CD109: variants seen among roughly 807,000 people sequenced by gnomAD.
CD109 encodes CD109 antigen.
CD109 carries 149 observed loss-of-function variants against 165.8 expected under a neutral mutation model. The observed-to-expected ratio is 0.90, with a 90% CI of 0.79 to 1.03. The LOEUF (loss-of-function observed/expected upper bound fraction) is 1.03. CD109 is among the 50% of genes least tolerant of loss of function. CD109 has a pLI of 0.00. For missense variants in CD109, 1,712 were observed against 1,677.8 expected, an observed-to-expected ratio of 1.02 and a Z score of -0.36; for synonymous variants, 585 against 592.1, an observed-to-expected ratio of 0.99 and a Z score of 0.18.
chr6:73,786,762 A>G (rs970826454), intron 20 of CD109, among the ~76,000 whole-genome samples: 4 of 152,250 alleles, frequency 2.6e-5, no homozygotes, highest in African/African-American at 9.6e-5. Flanking sequence ...GATATGCTTC[A>G]GGACTAATAT....
intron 7 of CD109, among the ~76,000 whole-genome samples, chr6:73,759,800 A>G (rs1773539289): frequency 6.6e-6 from 1 of 151,588 alleles, no homozygotes. Flanking sequence ...GGTTTCGAAG[A>G]CTCTTGAATG....
At position 73,696,250 on chromosome 6, in the gene CD109, TC is replaced by T. The variant is rs1770827034; in HGVS notation, c.37del (p.Leu13SerfsTer18). The stretch of plus-strand genomic sequence containing the variant: ...CCACCGCTCCTGACCGCCGCCCACC[TC>T]CTCTGCGTGTGCACCGCCGCGCTGG... ...QGPPLLTAAH[L>X]LCVCTAALAV... On this transcript the variant is annotated frameshift_variant, in exon 1 of 33. Transcript: ENST00000287097. LOFTEE classifies it high-confidence loss of function. 3.9e-6 allele frequency: 6 copies of T among 1,541,242 alleles called. No individual in the cohort carries two copies. The highest frequency in any genetic ancestry group is 4.4e-6 in the Non-Finnish European group (5 of 1,148,554).
At chr6:73,820,697 G>T (rs3005537) in intron 32 of CD109, 134 bp downstream of exon 32, 8 of 483,540 alleles carry the variant, frequency 1.7e-5, no homozygotes, top group Middle Eastern at 2.8e-4. Context: ...GGAGGCGGGG[G>T]GGCAGGAAGT....
At position 73,808,267 on chromosome 6, in the gene CD109, T is replaced by C; in HGVS notation, c.3355+19T>C. 6.3e-7 allele frequency: 1 copy of C among 1,594,296 alleles called. No homozygotes were observed. Among genetic ancestry groups the C allele is most frequent in the Non-Finnish European group, 8.5e-7 (1 of 1,173,018 alleles). ...CAAGAAGGTAATGTGCTGGGCCCACTTGAGGTTGTTATGCTTTATGAAATA... is the reference window on the plus strand; with the variant it reads ...CAAGAAGGTAATGTGCTGGGCCCACCTGAGGTTGTTATGCTTTATGAAATA... On this transcript the variant is annotated intron_variant, in intron 26 of 32. Transcript: ENST00000287097.
chr6:73,766,489 A>G, intron 11 of CD109, among the ~76,000 whole-genome samples: 1 of 146,232 alleles, frequency 6.8e-6, no homozygotes, highest in African/African-American at 2.6e-5. Context: ...ATATATATAC[A>G]TATATATATA....
chr6:73,697,518 A>G lies in CD109; in HGVS notation c.193A>G (p.Thr65Ala), dbSNP rs1019736506. 4 of 1,614,174 alleles carry G rather than the reference A, an allele frequency of 2.5e-6. 1 individual carries two copies. In the South Asian group the frequency reaches 4.4e-5, roughly 18 times the overall value. The change falls in exon 2 of 33, where the codon ACA (threonine) becomes GCA (alanine). Residue 65 changes from threonine to alanine, a missense_variant. Transcript: ENST00000287097. ...GACTGTGAAGGCGGAGCTGCTCAAG[A>G]CAGCATCAAACCTCACTGTCTCTGT... ...QVTVKAELLK[T>A]ASNLTVSVLE...
intron 6 of CD109, among the ~76,000 whole-genome samples, chr6:73,758,568 A>T (rs1174796427): frequency 2.0e-5 from 3 of 152,002 alleles, no homozygotes; most frequent in African/African-American, 7.2e-5. Context: ...TATTTTTAGT[A>T]GAGATAGGAT....
intron 2 of CD109, among the ~76,000 whole-genome samples, chr6:73,714,538 G>T (rs921354921): frequency 6.6e-6 from 1 of 152,124 alleles, no homozygotes; most frequent in African/African-American, 2.4e-5. Context: ...TAAACCTCCT[G>T]CATTGTAATT....
chr6:73,720,443 G>A (rs1771907030), intron 2 of CD109, among the ~76,000 whole-genome samples: 1 of 152,048 alleles, frequency 6.6e-6, no homozygotes. Context: ...TGTACAGCAT[G>A]GTGACTATGG....
Position 73,783,811 on chromosome 6 carries a change from C to T in CD109, c.2210C>T (p.Thr737Ile), listed in dbSNP as rs747713076. 8 of 1,580,508 alleles carry T rather than the reference C, an allele frequency of 5.1e-6. No homozygotes were observed. The highest frequency in any genetic ancestry group is 7.0e-6 in the Non-Finnish European group (8 of 1,149,988). The part of the protein sequence containing the change: ...ISEDLGLGLT[T>I]TPVELQAFQP... Reference sequence around the variant, plus strand: ...GAGGACCTGGGTCTTGGACTAACAACTACTCCAGTGGAGGTATTGTATTAA... The same window carrying T: ...GAGGACCTGGGTCTTGGACTAACAATTACTCCAGTGGAGGTATTGTATTAA... Residue 737 changes from threonine (T) to isoleucine (I), a missense_variant, in exon 19 of 33, where the codon ACT becomes ATT. By Grantham distance (89) the Thr-to-Ile change is moderately conservative. Coordinates refer to ENST00000287097, the MANE Select transcript of CD109 (RefSeq NM_133493.5).
chr6:73,706,457 G>A (rs117254500), intron 2 of CD109, among the ~76,000 whole-genome samples: 1 of 152,320 alleles, frequency 6.6e-6, no homozygotes, highest in South Asian at 2.1e-4. Flanking sequence ...ACTGGGTGGA[G>A]TTACTTTATT....
chr6:73,818,100 A>G (rs145891536), intron 30 of CD109, among the ~76,000 whole-genome samples: 1 of 152,202 alleles, frequency 6.6e-6, no homozygotes, highest in African/African-American at 2.4e-5. Context: ...TGTATATTGT[A>G]CTGTCACAGT....
At chr6:73,706,912 A>G (rs1168981020) in intron 2 of CD109, among the ~76,000 whole-genome samples, 1 of 152,260 alleles carries the variant, frequency 6.6e-6, no homozygotes, top group Non-Finnish European at 1.5e-5. Context: ...ACTGCAATAT[A>G]TGTTAAAGCT....
chr6:73,726,983 CT>C (rs1185916888), intron 3 of CD109, among the ~76,000 whole-genome samples: 2 of 152,220 alleles, frequency 1.3e-5, no homozygotes, highest in Admixed American at 6.5e-5. Context: ...CAAGGAACAG[CT>C]TTTTTTCCCC....
In CD109 at chr6:73,697,556, A is replaced by T; in HGVS notation, c.231A>T (p.Glu77Asp). ...SNLTVSVLEA[E>D]GVFEKGSFKT... is the part of the protein sequence containing the mutation. ...TCACTGTCTCTGTCCTGGAAGCAGAAGGAGTCTTTGAAAAAGGTAAGATAA... is the reference window on the plus strand; with the variant it reads ...TCACTGTCTCTGTCCTGGAAGCAGATGGAGTCTTTGAAAAAGGTAAGATAA... The change falls in exon 2 of 33, where the codon GAA becomes GAT. Residue 77 changes from glutamate to aspartate, a missense_variant. Glu to Asp is a conservative substitution (Grantham distance 45, BLOSUM62 2). Transcript: ENST00000287097. The T allele has an allele frequency of 6.2e-7, 1 of 1,613,776 alleles. No individual in the cohort carries two copies. Among genetic ancestry groups the T allele is most frequent in the Non-Finnish European group, 8.5e-7 (1 of 1,179,764 alleles).
intron 23 of CD109, among the ~76,000 whole-genome samples, chr6:73,796,941 G>T (rs1374019402): frequency 3.3e-5 from 5 of 152,202 alleles, no homozygotes; most frequent in Non-Finnish European, 5.9e-5. Context: ...GTGGACGAAA[G>T]CTTCTTGGTA....
At chr6:73,764,883 G>T (rs373823558) in intron 10 of CD109, among the ~76,000 whole-genome samples, 99 of 151,748 alleles carry the variant, frequency 6.5e-4, no homozygotes, top group African/African-American at 1.8e-3. Context: ...TGAATGGGTC[G>T]GTAGACGTTT....
Position 73,827,492 on chromosome 6 carries a change from ATATCT to A in CD109, c.*3863_*3867del, listed in dbSNP as rs1196489048. On this transcript the variant is annotated 3_prime_UTR_variant, in exon 33 of 33. Coordinates refer to ENST00000287097, the MANE Select transcript of CD109 (RefSeq NM_133493.5). Reference sequence around the variant, plus strand: ...CAAATGATATTTATGTTAATATTAAATATCTTATGTTACACTGGGAGTAATTTGAG... The same window carrying A: ...CAAATGATATTTATGTTAATATTAAATATGTTACACTGGGAGTAATTTGAG... 2.0e-5 allele frequency: 3 copies of A among 151,732 alleles called. No individual in the cohort carries two copies. The highest frequency in any genetic ancestry group is 7.2e-5 in the African/African-American group (3 of 41,416). The allele number at this position is 151,732 out of a possible 1,614,324, so 9.4% of individuals were successfully genotyped here. A position where few individuals can be genotyped will look rare whatever the true frequency, so the allele number is the denominator to read the frequency against.
At position 73,824,535 on chromosome 6, in the gene CD109, C is replaced by A. The variant is rs1277724593; in HGVS notation, c.*902C>A. 6.6e-6 allele frequency: 1 copy of A among 152,174 alleles called. No individual in the cohort carries two copies. Among genetic ancestry groups the A allele is most frequent in the Admixed American group, 6.5e-5 (1 of 15,270 alleles). The allele number at this position is 152,174 out of a possible 1,614,324, so 9.4% of individuals were successfully genotyped here. ...AAGTCACTGCAGACCGACCTCCCTG[C>A]AGTTTGGGAAAGAAGCTGGGTTTGT... is the stretch of plus-strand genomic sequence containing the variant. On this transcript the variant is annotated 3_prime_UTR_variant, in exon 33 of 33. Coordinates refer to ENST00000287097, the MANE Select transcript of CD109 (RefSeq NM_133493.5).
Sources: allele counts gnomAD v4.1 joint callset (sites outside exome capture counted in the v4.1 genomes callset), GRCh38; gene constraint gnomAD v4.1.1; transcripts MANE v1.5; gene names NCBI Gene and HGNC (gene_info 2026-07-23, HGNC 2026-07-21).